KLRG2: variants seen among roughly 807,000 people sequenced by gnomAD.
KLRG2 encodes killer cell lectin-like receptor subfamily G member 2.
A neutral mutation model predicts 35.4 loss-of-function variants in KLRG2; 39 were observed. That is an observed-to-expected ratio of 1.10 (90% confidence interval 0.85 to 1.44). The LOEUF is 1.44. Among genes scored for constraint, KLRG2 ranks in the 40% most tolerant of loss-of-function variants. KLRG2 has a pLI of 0.00. For synonymous variants in KLRG2, 283 were observed against 265.8 expected (o/e 1.06, Z -0.63); for missense variants, 632 against 570.9 (o/e 1.11, Z -1.09).
chr7:139,439,909 A>G, the KLRG2 span, among the ~76,000 whole-genome samples: 1 of 152,170 alleles, frequency 6.6e-6, no homozygotes, highest in Non-Finnish European at 1.5e-5. Context: ...AAACCCAGAA[A>G]TTTATTCTGT....
the KLRG2 span, among the ~76,000 whole-genome samples, chr7:139,440,393 G>A: frequency 7.7e-6 from 1 of 130,090 alleles, no homozygotes; most frequent in Non-Finnish European, 1.6e-5. Context: ...GATTACAGGT[G>A]TGTGCCACCA....
downstream of KLRG2, among the ~76,000 whole-genome samples, chr7:139,448,289 C>A (rs1485843133): frequency 6.6e-6 from 1 of 152,194 alleles, no homozygotes; most frequent in Non-Finnish European, 1.5e-5. Flanking sequence ...AGCCACCACA[C>A]CTGGCCAACA....
chr7:139,430,249 A>G, the KLRG2 span, among the ~76,000 whole-genome samples: 1 of 151,940 alleles, frequency 6.6e-6, no homozygotes, highest in Non-Finnish European at 1.5e-5. Flanking sequence ...CTAAAAATAC[A>G]AAATTAGCCA....
chr7:139,432,862 C>T, the KLRG2 span, among the ~76,000 whole-genome samples: 4 of 151,624 alleles, frequency 2.6e-5, no homozygotes, highest in East Asian at 7.7e-4. Context: ...TATTTTAAAC[C>T]CAAGGTTGGT....
the KLRG2 span, among the ~76,000 whole-genome samples, chr7:139,432,544 A>ACCC: frequency 2.5e-4 from 25 of 100,816 alleles, no homozygotes; most frequent in African/African-American, 6.5e-4. Context: ...TGATTGCAGG[A>ACCC]CCCCCCCCCC....
chr7:139,453,432 G>C lies in KLRG2; in HGVS notation c.*155C>G, dbSNP rs772881991. 3.2e-5 allele frequency: 23 copies of C among 726,042 alleles called. No individual in the cohort carries two copies. Among genetic ancestry groups the C allele is most frequent in the African/African-American group, 5.4e-5 (3 of 55,832 alleles). The allele number at this position is 726,042 out of a possible 1,614,324, so 45.0% of individuals were successfully genotyped here. Reference sequence around the variant, plus strand: ...CTCGGATGCATCTTCCTGGGTTGAAGTCCAGCTCCTAGGCTCGCTCATGTG... The same window carrying C: ...CTCGGATGCATCTTCCTGGGTTGAACTCCAGCTCCTAGGCTCGCTCATGTG... On this transcript the variant is annotated 3_prime_UTR_variant, in exon 5 of 5. Coordinates refer to ENST00000340940, the MANE Select transcript of KLRG2 (RefSeq NM_198508.4).
chr7:139,472,487 G>A (rs1360141382), intron 3 of KLRG2, among the ~76,000 whole-genome samples: 1 of 151,906 alleles, frequency 6.6e-6, no homozygotes, highest in Non-Finnish European at 1.5e-5. Flanking sequence ...GCTCATGTCT[G>A]TAATCCCAGC....
intron 3 of KLRG2, among the ~76,000 whole-genome samples, chr7:139,464,266 C>A (rs1270659489): frequency 1.3e-5 from 2 of 152,202 alleles, no homozygotes; most frequent in Admixed American, 1.3e-4. Flanking sequence ...CCATACCCCG[C>A]TAAACGCCAA....
chr7:139,439,731 G>A, the KLRG2 span, among the ~76,000 whole-genome samples: 1 of 152,158 alleles, frequency 6.6e-6, no homozygotes, highest in Non-Finnish European at 1.5e-5. Flanking sequence ...GCACAGGAGG[G>A]GATGCAGATG....
At chr7:139,477,968 C>T (rs1319715777) in intron 3 of KLRG2, among the ~76,000 whole-genome samples, 2 of 151,834 alleles carry the variant, frequency 1.3e-5, no homozygotes, top group African/African-American at 2.4e-5. Context: ...CCGTGTTAGC[C>T]AAGATGGTCT....
chr7:139,458,346 C>T (rs1268738996), intron 3 of KLRG2, among the ~76,000 whole-genome samples: 7 of 151,788 alleles, frequency 4.6e-5, no homozygotes, highest in Admixed American at 4.6e-4. Context: ...CCACTGCACT[C>T]CAGCCTGGGT....
chr7:139,446,339 T>TG, the KLRG2 span, among the ~76,000 whole-genome samples: 4 of 75,682 alleles, frequency 5.3e-5, no homozygotes, highest in East Asian at 6.7e-4. Context: ...TTCCAGGGTT[T>TG]TTTTTTTTTT....
rs549497979 is a variant in KLRG2, at chr7:139,465,335, A to C, written c.1006-11121T>G. Reference sequence around the variant, plus strand: ...GCAGAAAGAAATTTCCTCACTATGCAAGGGTCCTCCATCATTAATGCCTCT... The same window carrying C: ...GCAGAAAGAAATTTCCTCACTATGCCAGGGTCCTCCATCATTAATGCCTCT... On this transcript the variant is annotated intron_variant, in intron 3 of 4. Coordinates refer to ENST00000340940, the MANE Select transcript of KLRG2 (RefSeq NM_198508.4). Among the ~76,000 whole-genome samples, 23 of 152,332 alleles carry C rather than the reference A, an allele frequency of 1.5e-4. No individual in the cohort carries two copies. The South Asian group carries it at 3.1e-3, about 21-fold the overall frequency.
chr7:139,444,600 G>C, the KLRG2 span, among the ~76,000 whole-genome samples: 1 of 152,196 alleles, frequency 6.6e-6, no homozygotes, highest in African/African-American at 2.4e-5. Flanking sequence ...CATCTGCAAG[G>C]CAAGAGAGCA....
chr7:139,469,555 C>T (rs1269693547), intron 3 of KLRG2, among the ~76,000 whole-genome samples: 2 of 152,158 alleles, frequency 1.3e-5, no homozygotes, highest in Non-Finnish European at 2.9e-5. Context: ...AAGTGTTCTT[C>T]TGCCTCAGAC....
chr7:139,454,025 C>A (rs112995596), intron 4 of KLRG2, 86 bp downstream of exon 4: 1 of 896,950 alleles, frequency 1.1e-6, no homozygotes. Context: ...GCATTCCAGG[C>A]TAGGGGAGCA....
intron 3 of KLRG2, among the ~76,000 whole-genome samples, chr7:139,476,359 G>C (rs1308655653): frequency 6.6e-6 from 1 of 152,174 alleles, no homozygotes; most frequent in African/African-American, 2.4e-5. Context: ...CAGAACAGCT[G>C]TGCAGCAGGC....
At chr7:139,444,270 G>A in the KLRG2 span, among the ~76,000 whole-genome samples, 6 of 152,090 alleles carry the variant, frequency 3.9e-5, no homozygotes, top group Non-Finnish European at 7.3e-5. Context: ...AATACTTTGC[G>A]TCCTTCAATC....
rs373364384 is a variant in KLRG2, at chr7:139,454,163, G to A, written c.1057C>T (p.Arg353Ter). Reference protein sequence around the residue: ...VSRHSWVGAWRGPQGWHWIDE... With the variant: ...VSRHSWVGAW The stretch of plus-strand genomic sequence containing the variant: ...ATCCAGTGCCAGCCCTGGGGGCCTC[G>A]CCAGGCCCCCACCCAGGAGTGCCTG... Residue 353 changes from arginine (R) to a stop codon, truncating the protein, a stop_gained, in exon 4 of 5, where the codon CGA (arginine) becomes TGA (stop). Transcript: ENST00000340940. LOFTEE classifies it high-confidence loss of function. 2.1e-5 allele frequency: 32 copies of A among 1,545,046 alleles called. No homozygotes were observed. Among genetic ancestry groups the A allele is most frequent in the East Asian group, 2.0e-4 (8 of 40,850 alleles).
Sources: gnomAD v4.1 joint callset for allele counts (sites outside exome capture counted in the v4.1 genomes callset) on GRCh38, gnomAD v4.1.1 for gene constraint, MANE v1.5 for transcripts, NCBI Gene and HGNC (gene_info 2026-07-23, HGNC 2026-07-21) for gene names.